The following HEXA variants were observed in gnomAD, a reference collection of about 807,000 sequenced individuals.
HEXA encodes hexosaminidase subunit alpha.
A neutral mutation model predicts 73.3 loss-of-function variants in HEXA; 54 were observed. The ratio of observed to expected loss-of-function variants is 0.74; its 90% confidence interval spans 0.59 to 0.92. The LOEUF (loss-of-function observed/expected upper bound fraction) is 0.92, where lower values mean the gene tolerates loss of function less well. Ranked by LOEUF, HEXA falls within the 40% of genes least tolerant of loss-of-function variation. The probability of loss-of-function intolerance (pLI) is 0.00; values close to 1 mark genes in which losing one functional copy is unlikely to be tolerated. For missense variants in HEXA, 649 were observed against 653.0 expected (o/e 0.99, Z 0.07); for synonymous variants, 230 against 246.9 (o/e 0.93, Z 0.64).
chr15:72,345,661 AG>A (rs1318731177), intron 12 of HEXA, 111 bp from the exon 13 acceptor site: 4 of 1,541,576 alleles, frequency 2.6e-6, no homozygotes, highest in African/African-American at 2.7e-5. Context: ...CTCAGGCCAA[AG>A]GAAGTGATCA....
intron 10 of HEXA, 83 bp downstream of exon 10, chr15:72,347,603 A>G: frequency 9.4e-7 from 1 of 1,068,886 alleles, no homozygotes; most frequent in Non-Finnish European, 1.5e-6. Flanking sequence ...CAGGAGGATC[A>G]GTCTCTGTAG....
intron 7 of HEXA, among the ~76,000 whole-genome samples, chr15:72,349,753 T>C (rs1238183692): frequency 6.6e-6 from 1 of 152,126 alleles, no homozygotes; most frequent in Non-Finnish European, 1.5e-5. Flanking sequence ...TCAGGGTTTT[T>C]TTTTGGTTGT....
rs1189000911 is a variant in HEXA at position 72,340,990 on chromosome 15, AC to A, written c.*3086del. On this transcript the variant is annotated 3_prime_UTR_variant, in exon 14 of 14. Transcript: ENST00000268097. ...AAATACAAATTTTGATAAACAAAGC[AC>A]CCAATTCCTACTTATTTTTTTTCTT... 1 of 152,036 alleles carries A rather than the reference AC, an allele frequency of 6.6e-6. No homozygotes were observed. The highest frequency in any genetic ancestry group is 1.5e-5 in the Non-Finnish European group (1 of 68,002). The allele number at this position is 152,036 out of a possible 1,614,324, so 9.4% of individuals were successfully genotyped here. A position where few individuals can be genotyped will look rare whatever the true frequency, so the allele number is the denominator to read the frequency against.
chr15:72,354,449 A>G (rs1017094153), intron 3 of HEXA: 2 of 152,336 alleles, frequency 1.3e-5, no homozygotes, highest in Non-Finnish European at 2.9e-5. Flanking sequence ...AACCCTGCAG[A>G]AGCCCCATGA....
At chr15:72,366,901 T>C (rs2088924636) in intron 1 of HEXA, among the ~76,000 whole-genome samples, 1 of 152,166 alleles carries the variant, frequency 6.6e-6, no homozygotes, top group African/African-American at 2.4e-5. Flanking sequence ...TTACTTTTCA[T>C]GATTCTCACT....
chr15:72,375,032 G>A (rs2089041571), intron 1 of HEXA, among the ~76,000 whole-genome samples: 1 of 150,026 alleles, frequency 6.7e-6, no homozygotes, highest in Non-Finnish European at 1.5e-5. Context: ...ACTTCCTTAT[G>A]TTCTATGATT....
chr15:72,345,671 C>G, intron 12 of HEXA, 121 bp from the exon 13 acceptor site: 1 of 1,519,956 alleles, frequency 6.6e-7, no homozygotes. Flanking sequence ...AGGAAGTGAT[C>G]AATACCTTGT....
At position 72,342,061 on chromosome 15, in the gene HEXA, G is replaced by C. The variant is rs1277548504; in HGVS notation, c.*2016C>G. 1 of 152,120 alleles carries C rather than the reference G, an allele frequency of 6.6e-6. No individual in the cohort carries two copies. The highest frequency in any genetic ancestry group is 2.4e-5 in the African/African-American group (1 of 41,414). The allele number at this position is 152,120 out of a possible 1,614,324, so 9.4% of individuals were successfully genotyped here. A position where few individuals can be genotyped will look rare whatever the true frequency, so the allele number is the denominator to read the frequency against. Reference sequence around the variant, plus strand: ...TAACATGAAAGTTATGACCAGGAGGGAAGCAGGGTCGCACCTGTGCAGGGT... The same window carrying C: ...TAACATGAAAGTTATGACCAGGAGGCAAGCAGGGTCGCACCTGTGCAGGGT... On this transcript the variant is annotated 3_prime_UTR_variant, in exon 14 of 14. Coordinates refer to ENST00000268097, the MANE Select transcript of HEXA (RefSeq NM_000520.6).
chr15:72,369,554 T>C (rs190247019), intron 1 of HEXA, among the ~76,000 whole-genome samples: 1 of 152,328 alleles, frequency 6.6e-6, no homozygotes, highest in African/African-American at 2.4e-5. Flanking sequence ...GTTTGTTTGT[T>C]TGAGACAAGG....
chr15:72,347,208 C>CTTTTTTTTTTTTTTT (rs2088627132), intron 10 of HEXA, among the ~76,000 whole-genome samples: 1 of 140,330 alleles, frequency 7.1e-6, no homozygotes. Context: ...AGAAATAGTT[C>CTTTTTTTTTTTTTTT]TTAATTAAGT....
At chr15:72,364,550 A>G (rs1049538559) in intron 1 of HEXA, among the ~76,000 whole-genome samples, 1 of 152,182 alleles carries the variant, frequency 6.6e-6, no homozygotes, top group South Asian at 2.1e-4. Context: ...ATATGTATAT[A>G]AGCAATTGTG....
chr15:72,371,646 AC>A (rs1468360616), intron 1 of HEXA, among the ~76,000 whole-genome samples: 1 of 152,102 alleles, frequency 6.6e-6, no homozygotes, highest in Non-Finnish European at 1.5e-5. Context: ...AAGCCTTCTT[AC>A]AAATGTTTAC....
intron 7 of HEXA, among the ~76,000 whole-genome samples, chr15:72,350,070 T>C (rs1039987259): frequency 6.6e-6 from 1 of 152,166 alleles, no homozygotes; most frequent in Non-Finnish European, 1.5e-5. Context: ...GGCCAATATC[T>C]TCAGTTTTCT....
Position 72,346,250 on chromosome 15 carries a change from A to G in HEXA, c.1406T>C (p.Leu469Pro). 1 of 1,613,618 alleles carries G rather than the reference A, an allele frequency of 6.2e-7. No individual in the cohort carries two copies. The highest frequency in any genetic ancestry group is 8.5e-7 in the Non-Finnish European group (1 of 1,179,676). The change falls in exon 12 of 14, where the codon CTG becomes CCG. Residue 469 changes from leucine (L) to proline (P), a missense_variant. By Grantham distance (98) the Leu-to-Pro change is moderately conservative. Transcript: ENST00000268097. Reference sequence around the variant, plus strand: ...AAACCCTTACCAGAGCCTGGGGACCAGGTTTGTGTTGTCCACATATTCTCC... The same window carrying G: ...AAACCCTTACCAGAGCCTGGGGACCGGGTTTGTGTTGTCCACATATTCTCC... ...MWGEYVDNTN[L>P]VPRLWPRAGA...
At chr15:72,345,021 T>C (rs2088591287) in intron 13 of HEXA, among the ~76,000 whole-genome samples, 1 of 152,196 alleles carries the variant, frequency 6.6e-6, no homozygotes, top group Admixed American at 6.5e-5. Context: ...GTAACAAACT[T>C]AGCACAGTGT....
At position 72,356,608 on chromosome 15, in the gene HEXA, T is replaced by A. The variant is rs1433842275; in HGVS notation, c.263A>T (p.His88Leu). Residue 88 changes from histidine (H) to leucine (L), a missense_variant, in exon 2 of 14, where the codon CAT becomes CTT. Coordinates refer to ENST00000268097, the MANE Select transcript of HEXA (RefSeq NM_000520.6). ...AACCAACACATTCTTCTCCAGTGTA[T>A]GCCGTTTCCCTAGGAAGACAGGGTA... ...WPRPYLTGKR[H>L]TLEKNVLVVS... The A allele has an allele frequency of 6.2e-7, 1 of 1,614,124 alleles. No homozygotes were observed. Among genetic ancestry groups the A allele is most frequent in the South Asian group, 1.1e-5 (1 of 91,078 alleles).
In HEXA at chr15:72,343,856, C is replaced by G. The variant is rs1260428644; in HGVS notation, c.*221G>C. ...TGCCCTTACCCTAACGCCATTCACA[C>G]TTTTTTTTTTAAACACAGGTAATCC... On this transcript the variant is annotated 3_prime_UTR_variant, in exon 14 of 14. Transcript: ENST00000268097. 4.3e-5 allele frequency: 20 copies of G among 462,116 alleles called. No individual in the cohort carries two copies. The highest frequency in any genetic ancestry group is 7.5e-5 in the Non-Finnish European group (19 of 252,438). 28.6% of individuals were successfully genotyped at this position (462,116 alleles called of 1,614,324 possible).
At chr15:72,374,164 T>A (rs988980160) in intron 1 of HEXA, among the ~76,000 whole-genome samples, 3 of 152,240 alleles carry the variant, frequency 2.0e-5, no homozygotes, top group African/African-American at 7.2e-5. Context: ...GTCTTAAGAC[T>A]TTTCTTGTAA....
chr15:72,356,829 A>G (rs1055362150), intron 1 of HEXA: 2 of 683,106 alleles, frequency 2.9e-6, no homozygotes, highest in African/African-American at 1.8e-5. Flanking sequence ...GCCCTGACCC[A>G]TGTCTGAATG....
Sources: gnomAD v4.1 joint callset for allele counts (sites outside exome capture counted in the v4.1 genomes callset) on GRCh38, gnomAD v4.1.1 for gene constraint, MANE v1.5 for transcripts, NCBI Gene and HGNC (gene_info 2026-07-23, HGNC 2026-07-21) for gene names.